The following TADA2B variants were observed in gnomAD, a reference collection of about 807,000 sequenced individuals.
TADA2B encodes transcriptional adapter 2-beta.
A neutral mutation model predicts 34.5 loss-of-function variants in TADA2B; 13 were observed. The ratio of observed to expected loss-of-function variants is 0.38; its 90% CI spans 0.25 to 0.60. The LOEUF is 0.60. Among genes scored for constraint, TADA2B ranks in the 20% least tolerant of loss-of-function variants. TADA2B has a pLI of 0.65. For synonymous variants in TADA2B, 240 were observed against 243.4 expected, an observed-to-expected ratio of 0.99 and a Z score of 0.13; for missense variants, 442 against 575.0, an observed-to-expected ratio of 0.77 and a Z score of 2.37.
intron 1 of TADA2B, among the ~76,000 whole-genome samples, chr4:7,049,936 C>A (rs990564350): frequency 2.0e-5 from 3 of 152,230 alleles, no homozygotes; most frequent in African/African-American, 4.8e-5. Context: ...TGAGCTGAGA[C>A]TGGAGGTGCT....
intron 1 of TADA2B, among the ~76,000 whole-genome samples, chr4:7,044,217 C>T (rs1185673412): frequency 1.3e-5 from 2 of 152,214 alleles, no homozygotes; most frequent in Non-Finnish European, 2.9e-5. Context: ...GGCCCACAGA[C>T]TCGACAGAAA....
At chr4:7,044,023 A>G (rs752416590) in intron 1 of TADA2B, among the ~76,000 whole-genome samples, 174 bp downstream of exon 1, 3 of 152,218 alleles carry the variant, frequency 2.0e-5, no homozygotes, top group African/African-American at 4.8e-5. Flanking sequence ...GTCGGAACCT[A>G]TGCTCTGAGA....
intron 1 of TADA2B, 101 bp downstream of exon 1, chr4:7,043,950 T>A: frequency 7.5e-7 from 1 of 1,333,282 alleles, no homozygotes; most frequent in East Asian, 3.0e-5. Context: ...GCTCGCTCGC[T>A]CCGCACCCCA....
rs1723847109 is a variant in TADA2B, at chr4:7,054,633, A to T, written c.842A>T (p.Glu281Val). The change falls in exon 2 of 2, where the codon GAA becomes GTA. Residue 281 changes from glutamate to valine, a missense_variant. By Grantham distance (121) the Glu-to-Val change is moderately radical (BLOSUM62 -2). Around this residue, in one of 4 missense-constraint regions of TADA2B, gnomAD observed 222 missense variants for 235.2 expected, o/e 0.94. Transcript: ENST00000310074. Reference sequence around the variant, plus strand: ...GACCTTTTTGAAAACATGCACAAAGAAAAAATGCTCCGGGCCAAGATCCGA... The same window carrying T: ...GACCTTTTTGAAAACATGCACAAAGTAAAAATGCTCCGGGCCAAGATCCGA... ...FDDLFENMHK[E>V]KMLRAKIREL... The T allele has an allele frequency of 1.2e-6, 2 of 1,613,820 alleles. No individual in the cohort carries two copies. Among genetic ancestry groups the T allele is most frequent in the Non-Finnish European group, 1.7e-6 (2 of 1,179,892 alleles).
intron 1 of TADA2B, among the ~76,000 whole-genome samples, chr4:7,050,676 C>T (rs778383660): frequency 1.7e-4 from 26 of 152,210 alleles, no homozygotes; most frequent in Non-Finnish European, 2.6e-4. Flanking sequence ...GCCTCGGGCA[C>T]GACGCCGGGC....
intron 1 of TADA2B, among the ~76,000 whole-genome samples, chr4:7,050,748 C>T (rs947506491): frequency 6.6e-6 from 1 of 152,240 alleles, no homozygotes; most frequent in Non-Finnish European, 1.5e-5. Flanking sequence ...TGGCACGTCT[C>T]CAACGTGCTT....
In TADA2B at chr4:7,054,481, A is replaced by T; in HGVS notation, c.690A>T (p.Pro230=). 6.2e-7 allele frequency: 1 copy of T among 1,613,760 alleles called. No homozygotes were observed. Among genetic ancestry groups the T allele is most frequent in the East Asian group, 2.2e-5 (1 of 44,884 alleles). The part of the protein sequence containing the change: ...KNIARDYNLV[P]AFLGKDKKEK... ...TCGCCCGTGACTACAATCTGGTGCC[A>T]GCCTTCCTGGGGAAGGACAAGAAGG... The change falls in exon 2 of 2, where the codon CCA becomes CCT. Residue 230 remains proline, a synonymous_variant. Transcript: ENST00000310074.
chr4:7,046,676 C>G (rs1577214923), intron 1 of TADA2B, among the ~76,000 whole-genome samples: 1 of 152,158 alleles, frequency 6.6e-6, no homozygotes, highest in Non-Finnish European at 1.5e-5. Context: ...GAGGCAGGGC[C>G]TGGACTCATG....
chr4:7,044,731 G>A (rs929634838), intron 1 of TADA2B, among the ~76,000 whole-genome samples: 3 of 152,162 alleles, frequency 2.0e-5, no homozygotes, highest in Non-Finnish European at 4.4e-5. Flanking sequence ...CTGAGGAGGA[G>A]GGGAGTGAGA....
chr4:7,054,180 A>G lies in TADA2B; in HGVS notation c.389A>G (p.Asn130Ser). ...GKACIPDTIPNRVTDHTCPSG... is the reference protein window; with the variant it reads ...GKACIPDTIPSRVTDHTCPSG... ...GCCTGCATCCCCGACACCATCCCCA[A>G]CCGCGTGACAGACCACACCTGTCCC... Residue 130 changes from asparagine (N) to serine (S), a missense_variant, in exon 2 of 2, where the codon AAC (asparagine) becomes AGC (serine). This residue lies in a region of TADA2B where 222 missense variants were observed against 235.2 expected (regional missense o/e 0.94). Transcript: ENST00000310074. The G allele has an allele frequency of 6.2e-7, 1 of 1,606,102 alleles. No individual in the cohort carries two copies. The highest frequency in any genetic ancestry group is 8.5e-7 in the Non-Finnish European group (1 of 1,176,494).
At chr4:7,049,356 C>T (rs1345015887) in intron 1 of TADA2B, among the ~76,000 whole-genome samples, 4 of 152,342 alleles carry the variant, frequency 2.6e-5, no homozygotes, top group South Asian at 4.1e-4. Context: ...TGGGGTTAGG[C>T]TAAGCCTGGC....
chr4:7,048,479 C>T (rs1037127697), intron 1 of TADA2B, among the ~76,000 whole-genome samples: 10 of 152,142 alleles, frequency 6.6e-5, no homozygotes, highest in Non-Finnish European at 1.3e-4. Context: ...CTGATGCGGC[C>T]GCCGTGGGAC....
At chr4:7,046,421 G>A (rs1217616236) in intron 1 of TADA2B, among the ~76,000 whole-genome samples, 2 of 152,166 alleles carry the variant, frequency 1.3e-5, no homozygotes, top group Admixed American at 6.5e-5. Context: ...GCAACCCTCG[G>A]GGGTGGGTTC....
rs1723876605 is a variant in TADA2B at position 7,055,781 on chromosome 4, A to C, written c.*727A>C. On this transcript the variant is annotated 3_prime_UTR_variant, in exon 2 of 2. Coordinates refer to ENST00000310074, the MANE Select transcript of TADA2B (RefSeq NM_152293.3). ...GAGCCTGCTGGTTCACTTTGGGTAG[A>C]GCCGTGCCTCTTGGGCAGGCTCCCA... 1 of 152,242 alleles carries C rather than the reference A, an allele frequency of 6.6e-6. No homozygotes were observed. Among genetic ancestry groups the C allele is most frequent in the Non-Finnish European group, 1.5e-5 (1 of 68,066 alleles). 9.4% of individuals were successfully genotyped at this position (152,242 alleles called of 1,614,324 possible).
chr4:7,043,895 G>T (rs747099838), intron 1 of TADA2B, 46 bp downstream of exon 1: 2 of 1,438,416 alleles, frequency 1.4e-6, no homozygotes, highest in South Asian at 1.5e-5. Flanking sequence ...GCACTGGAAG[G>T]CCCGCGCCTC....
chr4:7,050,759 G>C (rs1723748307), intron 1 of TADA2B, among the ~76,000 whole-genome samples: 1 of 152,244 alleles, frequency 6.6e-6, no homozygotes, highest in South Asian at 2.1e-4. Context: ...CAACGTGCTT[G>C]TTCCAGAAAG....
rs1288812460 is a variant in TADA2B, at chr4:7,056,231, G to A, written c.*1177G>A. The A allele has an allele frequency of 6.6e-6, 1 of 152,646 alleles. No individual in the cohort carries two copies. Among genetic ancestry groups the A allele is most frequent in the Non-Finnish European group, 1.5e-5 (1 of 68,050 alleles). 9.5% of individuals were successfully genotyped at this position (152,646 alleles called of 1,614,324 possible). A position where few individuals can be genotyped will look rare whatever the true frequency, so the allele number is the denominator to read the frequency against. On this transcript the variant is annotated 3_prime_UTR_variant, in exon 2 of 2. Coordinates refer to ENST00000310074, the MANE Select transcript of TADA2B (RefSeq NM_152293.3). ...CTGTCACTGTCTTGAATCAGACTCA[G>A]AAATGGCTTCTTCCCAGCCCTGCCT...
intron 1 of TADA2B, among the ~76,000 whole-genome samples, chr4:7,052,101 C>T (rs1258628218): frequency 2.0e-5 from 3 of 152,230 alleles, no homozygotes; most frequent in Admixed American, 1.3e-4. Flanking sequence ...GGTGCAGCAG[C>T]CATCGGAGCC....
At chr4:7,045,239 G>A (rs1185871160) in intron 1 of TADA2B, 2 of 152,592 alleles carry the variant, frequency 1.3e-5, no homozygotes, top group Non-Finnish European at 2.9e-5. Flanking sequence ...GCCTCTCTTA[G>A]TTCCTTGTTC....
Sources: allele counts gnomAD v4.1 joint callset (sites outside exome capture counted in the v4.1 genomes callset), GRCh38; gene constraint gnomAD v4.1.1; regional missense constraint gnomAD v4.1.1; transcripts MANE v1.5; gene names NCBI Gene and HGNC (gene_info 2026-07-23, HGNC 2026-07-21).